The following SGCZ variants were observed in gnomAD, a reference collection of about 807,000 sequenced individuals.
The protein encoded by SGCZ is sarcoglycan zeta.
Under a neutral mutation model 41.3 loss-of-function variants are expected in SGCZ, and 40 were observed. The ratio of observed to expected loss-of-function variants is 0.97; its 90% CI spans 0.75 to 1.26. The LOEUF (loss-of-function observed/expected upper bound fraction) is 1.26, where lower values mean the gene tolerates loss of function less well. Among genes scored for constraint, SGCZ ranks in the 50% most tolerant of loss-of-function variants. The pLI is 0.00. For synonymous variants in SGCZ, 206 were observed against 137.5 expected, an observed-to-expected ratio of 1.50 and a Z score of -3.49; for missense variants, 552 against 369.8, an observed-to-expected ratio of 1.49 and a Z score of -4.04.
chr8:14,551,796 T>G lies in SGCZ; in HGVS notation c.234+2936A>C, dbSNP rs142901905. Among the ~76,000 whole-genome samples the G allele has an allele frequency of 3.9e-3, 532 of 137,162 alleles. 3 individuals are homozygous for G. The highest frequency in any genetic ancestry group is 5.6e-3 in the Non-Finnish European group (379 of 67,284). 90.0% of individuals were successfully genotyped at this position (137,162 alleles called of 152,430 possible). ...ATCTCAATAAGTAGAATAATTTTAT[T>G]TTCTAAAAAATGAAAAACACAAATT... is the stretch of plus-strand genomic sequence containing the variant. On this transcript the variant is annotated intron_variant, in intron 2 of 7. Transcript: ENST00000382080.
chr8:14,829,582 T>G (rs1802455820), intron 1 of SGCZ, among the ~76,000 whole-genome samples: 1 of 152,184 alleles, frequency 6.6e-6, no homozygotes, highest in Non-Finnish European at 1.5e-5. Flanking sequence ...TTAATGTAAA[T>G]GATTCCTAAG....
At chr8:14,138,139 T>C (rs866992453) in intron 5 of SGCZ, among the ~76,000 whole-genome samples, 4 of 152,162 alleles carry the variant, frequency 2.6e-5, no homozygotes, top group Non-Finnish European at 5.9e-5. Flanking sequence ...CTGACAGATT[T>C]TGTCACCACC....
chr8:14,166,723 T>G (rs1340271490), intron 4 of SGCZ, among the ~76,000 whole-genome samples: 1 of 152,108 alleles, frequency 6.6e-6, no homozygotes, highest in Non-Finnish European at 1.5e-5. Context: ...ACACTTAATG[T>G]CATTATATGA....
chr8:14,257,830 T>C (rs1799517765), intron 3 of SGCZ, among the ~76,000 whole-genome samples: 1 of 152,192 alleles, frequency 6.6e-6, no homozygotes, highest in East Asian at 1.9e-4. Flanking sequence ...ATAACAAATT[T>C]CTTTGGCAAT....
chr8:14,508,435 A>T (rs1394561020), intron 2 of SGCZ, among the ~76,000 whole-genome samples: 4 of 152,190 alleles, frequency 2.6e-5, no homozygotes, highest in African/African-American at 9.6e-5. Context: ...TCTGAGAAGA[A>T]AGAAGATCCA....
intron 5 of SGCZ, among the ~76,000 whole-genome samples, chr8:14,126,886 T>G (rs942101209): frequency 2.0e-4 from 30 of 151,034 alleles, no homozygotes; most frequent in Admixed American, 1.7e-3. Context: ...ACACAGAAAA[T>G]CAAACACCAC....
chr8:15,220,709 C>T (rs1801565788), intron 1 of SGCZ, among the ~76,000 whole-genome samples: 1 of 152,132 alleles, frequency 6.6e-6, no homozygotes, highest in African/African-American at 2.4e-5. Context: ...AAGACACATG[C>T]ATACGTACGT....
intron 1 of SGCZ, among the ~76,000 whole-genome samples, chr8:14,754,067 C>T (rs1585233056): frequency 6.6e-6 from 1 of 152,166 alleles, no homozygotes; most frequent in Non-Finnish European, 1.5e-5. Context: ...AAGCCCATGT[C>T]AACAGAGTTC....
intron 6 of SGCZ, among the ~76,000 whole-genome samples, 198 bp downstream of exon 6, chr8:14,107,965 T>A (rs532616824): frequency 6.6e-6 from 1 of 152,148 alleles, no homozygotes; most frequent in South Asian, 2.1e-4. Context: ...TTTTTATTAG[T>A]TCTTCTCACT....
At chr8:14,721,465 G>C (rs762552690) in intron 1 of SGCZ, among the ~76,000 whole-genome samples, 1 of 152,082 alleles carries the variant, frequency 6.6e-6, no homozygotes, top group Non-Finnish European at 1.5e-5. Context: ...TGTCCTTCCA[G>C]TTGCTTAGGC....
intron 1 of SGCZ, among the ~76,000 whole-genome samples, chr8:15,014,954 GAAAAA>G (rs995872547): frequency 1.8e-4 from 28 of 152,104 alleles, no homozygotes; most frequent in African/African-American, 6.8e-4. Flanking sequence ...TCAAATTTCT[GAAAAA>G]AGGCGACCAG....
chr8:15,099,096 G>A (rs1367134645), intron 1 of SGCZ, among the ~76,000 whole-genome samples: 2 of 152,114 alleles, frequency 1.3e-5, no homozygotes, highest in African/African-American at 2.4e-5. Flanking sequence ...TAGTGCCTCT[G>A]CAGGTTTTAT....
At chr8:15,120,420 T>C (rs899776316) in intron 1 of SGCZ, among the ~76,000 whole-genome samples, 3 of 152,218 alleles carry the variant, frequency 2.0e-5, no homozygotes, top group African/African-American at 7.2e-5. Context: ...TACATTTTCG[T>C]CACTATTTCA....
chr8:15,169,482 C>A (rs921360127), intron 1 of SGCZ, among the ~76,000 whole-genome samples: 20 of 152,220 alleles, frequency 1.3e-4, no homozygotes, highest in African/African-American at 4.8e-4. Flanking sequence ...CAATAGAACA[C>A]TGTCTCACTC....
intron 2 of SGCZ, among the ~76,000 whole-genome samples, chr8:14,460,174 C>A (rs945123050): frequency 1.3e-5 from 2 of 152,134 alleles, no homozygotes; most frequent in Admixed American, 6.5e-5. Context: ...AACTTTGCAA[C>A]TTTTCTGTAA....
intron 1 of SGCZ, among the ~76,000 whole-genome samples, chr8:15,012,739 T>C (rs1159905047): frequency 6.8e-6 from 1 of 146,608 alleles, no homozygotes; most frequent in Non-Finnish European, 1.5e-5. Flanking sequence ...TAAAATATGT[T>C]ATAGAATATA....
At chr8:14,348,179 A>G (rs943485767) in intron 2 of SGCZ, among the ~76,000 whole-genome samples, 1 of 152,086 alleles carries the variant, frequency 6.6e-6, no homozygotes, top group Non-Finnish European at 1.5e-5. Flanking sequence ...CAAGATAGCC[A>G]TTGGAACAAG....
chr8:14,368,808 A>G (rs999400508), intron 2 of SGCZ, among the ~76,000 whole-genome samples: 1 of 151,702 alleles, frequency 6.6e-6, no homozygotes, highest in East Asian at 1.9e-4. Context: ...CAAGTGGCCA[A>G]AAAACATCTG....
intron 1 of SGCZ, among the ~76,000 whole-genome samples, chr8:14,791,080 T>C (rs58210537): frequency 0.059 from 8,876 of 151,124 alleles, 515 homozygotes; most frequent in African/African-American, 0.15. Flanking sequence ...CCATATACAA[T>C]ATGATCATTA....
Sources: gnomAD v4.1 joint callset for allele counts (sites outside exome capture counted in the v4.1 genomes callset) on GRCh38, gnomAD v4.1.1 for gene constraint, MANE v1.5 for transcripts, NCBI Gene and HGNC (gene_info 2026-07-23, HGNC 2026-07-21) for gene names.